Variants in LEF1 observed in about 807,000 individuals in gnomAD.
LEF1 encodes lymphoid enhancer-binding factor 1.
LEF1 carries 14 observed loss-of-function variants against 51.2 expected under a neutral mutation model. The ratio of observed to expected loss-of-function variants is 0.27; its 90% CI spans 0.18 to 0.43. The LOEUF (loss-of-function observed/expected upper bound fraction) is 0.43, where lower values mean the gene tolerates loss of function less well. Among genes scored for constraint, LEF1 ranks in the 20% least tolerant of loss-of-function variants. LEF1 has a pLI of 1.00. For synonymous variants in LEF1, 185 were observed against 183.2 expected, an observed-to-expected ratio of 1.01 and a Z score of -0.08; for missense variants, 386 against 512.0, an observed-to-expected ratio of 0.75 and a Z score of 2.37.
In LEF1 at chr4:108,167,722, C is replaced by G. The variant is rs1209992384; in HGVS notation, c.46G>C (p.Glu16Gln). The change falls in exon 1 of 12, where the codon GAA (glutamate) becomes CAA (glutamine). Residue 16 changes from glutamate (E) to glutamine (Q), a missense_variant. Physicochemically the swap from Glu to Gln is conservative, Grantham distance 29 (BLOSUM62 2). Coordinates refer to ENST00000265165, the MANE Select transcript of LEF1 (RefSeq NM_016269.5). This position sits in a 1 kb window ranked among gnomAD's most constrained non-coding sequence, Gnocchi z 5.7. Reference protein sequence around the residue: ...GGGGGGGGDPELCATDEMIPF... With the variant: ...GGGGGGGGDPQLCATDEMIPF... Reference sequence around the variant, plus strand: ...ATCATCTCGTCCGTGGCGCAGAGTTCCGGGTCCCCCCCGCCGCCGCCACCT... The same window carrying G: ...ATCATCTCGTCCGTGGCGCAGAGTTGCGGGTCCCCCCCGCCGCCGCCACCT... The G allele has an allele frequency of 6.2e-7, 1 of 1,613,832 alleles. No individual in the cohort carries two copies.
intron 3 of LEF1, among the ~76,000 whole-genome samples, chr4:108,135,874 CT>C (rs1743232914): frequency 6.6e-6 from 1 of 152,178 alleles, no homozygotes; most frequent in Admixed American, 6.5e-5. Flanking sequence ...GCTCCAAGAA[CT>C]TTTTCTTTTT....
chr4:108,164,150 G>A (rs1159932980), intron 2 of LEF1, among the ~76,000 whole-genome samples: 1 of 151,786 alleles, frequency 6.6e-6, no homozygotes. Flanking sequence ...ACCTGTGCTT[G>A]CAGATTTCTA....
chr4:108,062,120 G>A (rs1737734077), intron 11 of LEF1, among the ~76,000 whole-genome samples: 1 of 152,170 alleles, frequency 6.6e-6, no homozygotes, highest in African/African-American at 2.4e-5. Context: ...TCCAGGTAAG[G>A]AAAATGAAGA....
chr4:108,070,939 T>C (rs1382776765), intron 8 of LEF1, 169 bp from the exon 9 acceptor site: 7 of 562,882 alleles, frequency 1.2e-5, no homozygotes, highest in Non-Finnish European at 2.2e-5. Flanking sequence ...TGGAGTCTAG[T>C]GGCTACAGTG....
intron 3 of LEF1, among the ~76,000 whole-genome samples, chr4:108,099,566 G>GTATATATATATA (rs1193240414): frequency 0.072 from 5,246 of 72,702 alleles, 929 homozygotes; most frequent in South Asian, 0.12. Context: ...ATGTGTGTGT[G>GTATATATATATA]TGTGTATATA....
intron 9 of LEF1, among the ~76,000 whole-genome samples, chr4:108,065,820 G>A (rs1479351222): frequency 6.6e-6 from 1 of 152,102 alleles, no homozygotes; most frequent in Non-Finnish European, 1.5e-5. Flanking sequence ...GATGCAGGTT[G>A]GTCATTTACT....
At chr4:108,088,374 G>T (rs996245390) in intron 4 of LEF1, among the ~76,000 whole-genome samples, 2 of 152,128 alleles carry the variant, frequency 1.3e-5, no homozygotes, top group Non-Finnish European at 2.9e-5. Flanking sequence ...GTCCAAGTGC[G>T]CATGTGCATG....
chr4:108,139,951 A>C (rs1743538056), intron 3 of LEF1, among the ~76,000 whole-genome samples: 1 of 152,218 alleles, frequency 6.6e-6, no homozygotes, highest in Non-Finnish European at 1.5e-5. Context: ...CTTACCTCAA[A>C]AAGAATTCAT....
rs144927535 is a variant in LEF1 at position 108,064,352 on chromosome 4, T to C, written c.1149A>G (p.Leu383=). The change falls in exon 10 of 12, where the codon CTA becomes CTG. Residue 383 remains leucine, a synonymous_variant. Coordinates refer to ENST00000265165, the MANE Select transcript of LEF1 (RefSeq NM_016269.5). The stretch of plus-strand genomic sequence containing the variant: ...GGTGCCTACCTGATGCAGATTCCTG[T>C]AGTTTCTCTCTCTTCCTCTTCTTTT... ...GKKKKRKREK[L]QESASGTGPR... is the part of the protein sequence containing the mutation. 467 of 1,612,180 alleles carry C rather than the reference T, an allele frequency of 2.9e-4. No individual in the cohort carries two copies. The highest frequency in any genetic ancestry group is 3.6e-4 in the Non-Finnish European group (426 of 1,178,402).
intron 3 of LEF1, among the ~76,000 whole-genome samples, chr4:108,154,193 CA>C (rs1323114396): frequency 6.6e-6 from 1 of 151,752 alleles, no homozygotes; most frequent in Non-Finnish European, 1.5e-5. Flanking sequence ...CAATTTTAAT[CA>C]ATATTATGAT....
chr4:108,110,251 A>G (rs1003978419), intron 3 of LEF1, among the ~76,000 whole-genome samples: 6 of 152,212 alleles, frequency 3.9e-5, no homozygotes, highest in Non-Finnish European at 8.8e-5. Context: ...AAGTATTATA[A>G]ACCATTTCCT....
In LEF1 at chr4:108,089,148, G is replaced by A. The variant is rs1340584903; in HGVS notation, c.524C>T (p.Pro175Leu). The A allele has an allele frequency of 1.2e-6, 2 of 1,614,082 alleles. No individual in the cohort carries two copies. The highest frequency in any genetic ancestry group is 1.7e-5 in the Admixed American group (1 of 60,014). ...ACCTTGTTTGGAGTTGACATCTGAT[G>A]GGATGTGTGACGGGTGTGATCCTGG... ...FSPGSHPSHI[P>L]SDVNSKQGMS... is the part of the protein sequence containing the mutation. Residue 175 changes from proline (P) to leucine (L), a missense_variant, in exon 4 of 12, where the codon CCA (proline) becomes CTA (leucine). Pro to Leu is a moderately conservative substitution (Grantham distance 98). Coordinates refer to ENST00000265165, the MANE Select transcript of LEF1 (RefSeq NM_016269.5).
At chr4:108,087,521 A>C (rs1487012927) in intron 4 of LEF1, among the ~76,000 whole-genome samples, 1 of 152,192 alleles carries the variant, frequency 6.6e-6, no homozygotes, top group Non-Finnish European at 1.5e-5. Flanking sequence ...GAGAAACTAT[A>C]AGCGTAACTG....
chr4:108,052,488 C>G (rs1257837021), intron 11 of LEF1, among the ~76,000 whole-genome samples: 1 of 152,134 alleles, frequency 6.6e-6, no homozygotes, highest in East Asian at 1.9e-4. Flanking sequence ...AGCATCACAC[C>G]ACACACCTCA....
At chr4:108,121,670 AC>A (rs1742189005) in intron 3 of LEF1, among the ~76,000 whole-genome samples, 1 of 152,192 alleles carries the variant, frequency 6.6e-6, no homozygotes, top group African/African-American at 2.4e-5. Context: ...CTCCAAAAAT[AC>A]AGGGGCCAAA....
chr4:108,099,717 T>C (rs1419929911), intron 3 of LEF1, among the ~76,000 whole-genome samples: 1 of 150,162 alleles, frequency 6.7e-6, no homozygotes, highest in Non-Finnish European at 1.5e-5. Context: ...TCAACCTATA[T>C]CATCTACATT....
At chr4:108,102,063 CAA>C (rs5860893) in intron 3 of LEF1, among the ~76,000 whole-genome samples, 67 of 77,672 alleles carry the variant, frequency 8.6e-4, no homozygotes, top group Admixed American at 2.6e-3. Flanking sequence ...AACCCGGTCT[CAA>C]AAAAAAAAAA....
intron 3 of LEF1, among the ~76,000 whole-genome samples, chr4:108,159,246 G>T (rs540776766): frequency 6.6e-6 from 1 of 152,308 alleles, no homozygotes; most frequent in Non-Finnish European, 1.5e-5. Context: ...TGCCATGAAG[G>T]AGGGATCAAA....
chr4:108,126,587 G>T (rs1286496951), intron 3 of LEF1, among the ~76,000 whole-genome samples: 5 of 151,932 alleles, frequency 3.3e-5, no homozygotes, highest in Admixed American at 6.6e-5. Flanking sequence ...CGAATCACTT[G>T]AGGACAGGAG....
Sources: allele counts gnomAD v4.1 joint callset (sites outside exome capture counted in the v4.1 genomes callset), GRCh38; gene constraint gnomAD v4.1.1; non-coding constraint Gnocchi (gnomAD v3.1); transcripts MANE v1.5; gene names NCBI Gene and HGNC (gene_info 2026-07-23, HGNC 2026-07-21).